Variants in RHBDD1 observed in about 807,000 individuals in gnomAD.
RHBDD1 encodes rhomboid domain containing 1.
Under a neutral mutation model 36.3 loss-of-function variants are expected in RHBDD1, and 38 were observed. That is an observed-to-expected ratio of 1.05 (90% CI 0.81 to 1.37). RHBDD1 has a LOEUF of 1.37. Ranked by LOEUF, RHBDD1 falls within the 40% of genes most tolerant of loss-of-function variation. RHBDD1 has a pLI of 0.00. For missense variants in RHBDD1, 393 were observed against 377.6 expected (o/e 1.04, Z -0.34); for synonymous variants, 151 against 136.5 (o/e 1.11, Z -0.74).
At chr2:226,913,058 TA>T (rs1948634197) in intron 7 of RHBDD1, among the ~76,000 whole-genome samples, 1 of 152,194 alleles carries the variant, frequency 6.6e-6, no homozygotes, top group Non-Finnish European at 1.5e-5. Context: ...CAGTAAATTT[TA>T]AAATAGCCTC....
the RHBDD1 span, among the ~76,000 whole-genome samples, chr2:226,824,940 C>A: frequency 6.6e-6 from 1 of 152,190 alleles, no homozygotes; most frequent in Non-Finnish European, 1.5e-5. Flanking sequence ...CACTTTCAGA[C>A]TACAGGCACA....
At chr2:226,850,153 TTGA>T (rs1248527895) in intron 3 of RHBDD1, among the ~76,000 whole-genome samples, 1 of 151,986 alleles carries the variant, frequency 6.6e-6, no homozygotes, top group African/African-American at 2.4e-5. Context: ...CAGACGGGGG[TTGA>T]TGAGATAATT....
intron 8 of RHBDD1, among the ~76,000 whole-genome samples, chr2:226,940,962 T>C (rs1950622641): frequency 6.6e-6 from 1 of 152,018 alleles, no homozygotes; most frequent in African/African-American, 2.4e-5. Context: ...TTTTTTTTTT[T>C]TTGAGATGGA....
the RHBDD1 span, among the ~76,000 whole-genome samples, chr2:226,820,930 C>G: frequency 6.6e-6 from 1 of 152,124 alleles, no homozygotes; most frequent in Non-Finnish European, 1.5e-5. Context: ...GGGCCTGTAA[C>G]TGGGCCAGGA....
chr2:226,992,747 G>T (rs1029434351), intron 8 of RHBDD1, among the ~76,000 whole-genome samples: 27 of 152,206 alleles, frequency 1.8e-4, no homozygotes, highest in Non-Finnish European at 3.7e-4. Flanking sequence ...GGCAGGAAGG[G>T]CGGGAATGGT....
chr2:226,942,241 CT>C (rs11449035), intron 8 of RHBDD1, among the ~76,000 whole-genome samples: 138 of 142,222 alleles, frequency 9.7e-4, no homozygotes, highest in Non-Finnish European at 7.8e-4. Flanking sequence ...TCGTGATCAT[CT>C]TTTTTTTTTT....
the RHBDD1 span, among the ~76,000 whole-genome samples, chr2:226,827,129 T>C: frequency 2.0e-5 from 3 of 152,072 alleles, no homozygotes; most frequent in African/African-American, 7.2e-5. Context: ...GGCTACTTTT[T>C]GTATATATAT....
At chr2:226,956,263 C>T (rs1951787096) in intron 8 of RHBDD1, among the ~76,000 whole-genome samples, 1 of 152,150 alleles carries the variant, frequency 6.6e-6, no homozygotes, top group Admixed American at 6.5e-5. Context: ...TCCTGAGGCG[C>T]GCAGTCCCAC....
chr2:226,819,993 T>G, the RHBDD1 span, among the ~76,000 whole-genome samples: 1 of 150,742 alleles, frequency 6.6e-6, no homozygotes, highest in Non-Finnish European at 1.5e-5. Flanking sequence ...TTTTTTTTTT[T>G]TTTTCTGAAA....
At chr2:226,895,862 A>T in intron 5 of RHBDD1, 1 of 954,274 alleles carries the variant, frequency 1.0e-6, no homozygotes, top group Non-Finnish European at 1.2e-6. Context: ...ACTGTTCTTA[A>T]AATGAGAGCC....
At chr2:226,823,318 T>C in the RHBDD1 span, among the ~76,000 whole-genome samples, 1 of 152,208 alleles carries the variant, frequency 6.6e-6, no homozygotes, top group Non-Finnish European at 1.5e-5. Context: ...AACCACCTAG[T>C]CTAATGCATT....
intron 8 of RHBDD1, among the ~76,000 whole-genome samples, chr2:226,970,432 C>G (rs1355547960): frequency 2.0e-5 from 3 of 152,096 alleles, no homozygotes; most frequent in African/African-American, 4.8e-5. Context: ...TGATATGAGT[C>G]TCATGATATG....
chr2:226,898,007 AAAAC>A (rs1387628211), intron 5 of RHBDD1, among the ~76,000 whole-genome samples: 1 of 152,080 alleles, frequency 6.6e-6, no homozygotes, highest in East Asian at 1.9e-4. Context: ...CAACAACAAC[AAAAC>A]AAACAAAAAC....
the RHBDD1 span, among the ~76,000 whole-genome samples, chr2:226,818,492 G>A: frequency 1.1e-4 from 16 of 150,242 alleles, no homozygotes; most frequent in Admixed American, 4.0e-4. Flanking sequence ...ATTTGCCAAC[G>A]TTAAACATTA....
chr2:226,916,643 A>G (rs533773106), intron 8 of RHBDD1, among the ~76,000 whole-genome samples: 1 of 152,324 alleles, frequency 6.6e-6, no homozygotes, highest in African/African-American at 2.4e-5. Flanking sequence ...CTGTTAAGAA[A>G]ATGTGTATTC....
chr2:226,862,353 CT>C (rs565626444), intron 3 of RHBDD1, among the ~76,000 whole-genome samples: 2,791 of 130,504 alleles, frequency 0.021, 54 homozygotes, highest in African/African-American at 0.059. Context: ...AGAATCCTGC[CT>C]TTTTTTTTTT....
intron 8 of RHBDD1, among the ~76,000 whole-genome samples, chr2:226,949,559 C>T (rs1221655229): frequency 6.6e-6 from 1 of 152,140 alleles, no homozygotes; most frequent in Non-Finnish European, 1.5e-5. Flanking sequence ...TTTATTGTTA[C>T]ATTGTTTTGC....
intron 1 of RHBDD1, among the ~76,000 whole-genome samples, chr2:226,836,369 C>T (rs73992237): frequency 6.6e-6 from 1 of 152,216 alleles, no homozygotes; most frequent in Non-Finnish European, 1.5e-5. Context: ...ACGACGTGCC[C>T]ACACTCGGAG....
chr2:226,813,787 T>C, the RHBDD1 span, among the ~76,000 whole-genome samples: 11 of 152,340 alleles, frequency 7.2e-5, no homozygotes, highest in African/African-American at 2.6e-4. Flanking sequence ...CTCAACTATG[T>C]ATTTTAAATG....
Sources: allele counts gnomAD v4.1 joint callset (sites outside exome capture counted in the v4.1 genomes callset), GRCh38; gene constraint gnomAD v4.1.1; transcripts MANE v1.5; gene names NCBI Gene and HGNC (gene_info 2026-07-23, HGNC 2026-07-21).